The following KIF13B variants were observed in gnomAD, a reference collection of about 807,000 sequenced individuals.
KIF13B encodes kinesin family member 13B.
Under a neutral mutation model 222.0 loss-of-function variants are expected in KIF13B, and 127 were observed. The ratio of observed to expected loss-of-function variants is 0.57; its 90% CI spans 0.50 to 0.66. KIF13B has a LOEUF of 0.66. Ranked by LOEUF, KIF13B falls within the 30% of genes least tolerant of loss-of-function variation. KIF13B has a pLI of 0.00. For missense variants in KIF13B, 2,173 were observed against 2,379.0 expected, an observed-to-expected ratio of 0.91 and a Z score of 1.80; for synonymous variants, 976 against 919.0, an observed-to-expected ratio of 1.06 and a Z score of -1.12.
intron 18 of KIF13B, among the ~76,000 whole-genome samples, chr8:29,144,036 T>TCA (rs1329127445): frequency 7.3e-6 from 1 of 137,628 alleles, no homozygotes. Flanking sequence ...ACCACAAAGT[T>TCA]AAAAAAAAAA....
intron 2 of KIF13B, among the ~76,000 whole-genome samples, chr8:29,244,611 G>C (rs992196979): frequency 6.6e-6 from 1 of 152,060 alleles, no homozygotes; most frequent in African/African-American, 2.4e-5. Context: ...AAATCTTCCT[G>C]ACAAAAATAC....
intron 36 of KIF13B, among the ~76,000 whole-genome samples, chr8:29,093,970 A>C (rs927190503): frequency 1.4e-4 from 22 of 152,222 alleles, no homozygotes. Context: ...AAAATATACA[A>C]TTATTTCAAA....
At chr8:29,256,956 T>C (rs1239412794) in intron 1 of KIF13B, among the ~76,000 whole-genome samples, 1 of 152,168 alleles carries the variant, frequency 6.6e-6, no homozygotes, top group Non-Finnish European at 1.5e-5. Context: ...GGTTTCACCA[T>C]GTTGGCCAGT....
intron 35 of KIF13B, among the ~76,000 whole-genome samples, chr8:29,101,733 C>T (rs1024628936): frequency 1.3e-5 from 2 of 152,220 alleles, no homozygotes; most frequent in Non-Finnish European, 1.5e-5. Context: ...GCTCCCCCCG[C>T]AACCCCACCT....
At chr8:29,114,827 G>A (rs1301606809) in intron 31 of KIF13B, among the ~76,000 whole-genome samples, 1 of 152,176 alleles carries the variant, frequency 6.6e-6, no homozygotes, top group Non-Finnish European at 1.5e-5. Context: ...GGACCCTGTA[G>A]GGCCGGTGGT....
chr8:29,155,043 T>C (rs1244941200), intron 14 of KIF13B, among the ~76,000 whole-genome samples: 2 of 152,146 alleles, frequency 1.3e-5, no homozygotes, highest in East Asian at 3.9e-4. Context: ...GCTCTATAGC[T>C]GAAGGAAACA....
At chr8:29,119,909 C>T (rs892041956) in intron 29 of KIF13B, among the ~76,000 whole-genome samples, 17 of 152,186 alleles carry the variant, frequency 1.1e-4, no homozygotes, top group Admixed American at 6.5e-4. Context: ...GACTGCATCT[C>T]GCTGTCAGCT....
chr8:29,161,370 A>C (rs1423246089), intron 12 of KIF13B, among the ~76,000 whole-genome samples: 1 of 152,210 alleles, frequency 6.6e-6, no homozygotes, highest in African/African-American at 2.4e-5. Context: ...TGTCAAACCC[A>C]GCACTGCATG....
intron 2 of KIF13B, among the ~76,000 whole-genome samples, chr8:29,220,268 G>A (rs1457126033): frequency 1.3e-5 from 2 of 152,140 alleles, no homozygotes; most frequent in Non-Finnish European, 2.9e-5. Flanking sequence ...TCTTCAGAGA[G>A]CCCTGTCCTG....
rs1297112026 is a variant in KIF13B, at chr8:29,205,435, A to G, written c.150-9236T>C. Among the ~76,000 whole-genome samples the G allele has an allele frequency of 2.0e-5, 3 of 152,152 alleles. No individual in the cohort carries two copies. The East Asian group carries it at 5.8e-4, about 29-fold the overall frequency. On this transcript the variant is annotated intron_variant, in intron 2 of 39. Transcript: ENST00000524189. ...TCCTCCTATTAAGAGAAAACAGAAA[A>G]GAGTTTTCTTTTCTTCAGACTTGAA...
intron 38 of KIF13B, among the ~76,000 whole-genome samples, chr8:29,073,222 CTGGCTGCTA>C: frequency 6.6e-6 from 1 of 151,770 alleles, no homozygotes; most frequent in Non-Finnish European, 1.5e-5. Context: ...GGCTGCTGCT[CTGGCTGCTA>C]TGGAAAGCAG....
chr8:29,158,702 T>C (rs1811641465), intron 13 of KIF13B, among the ~76,000 whole-genome samples: 1 of 152,218 alleles, frequency 6.6e-6, no homozygotes, highest in South Asian at 2.1e-4. Flanking sequence ...GAATGTGCTT[T>C]GTCTTGAAGA....
chr8:29,140,235 T>C (rs1810753646), intron 20 of KIF13B, 44 bp from the exon 21 acceptor site: 1 of 1,610,176 alleles, frequency 6.2e-7, no homozygotes, highest in Non-Finnish European at 8.5e-7. Context: ...CAGATTTGGT[T>C]CGTGCTCCCT....
chr8:29,130,684 T>G lies in KIF13B; in HGVS notation c.2943-19A>C. The G allele has an allele frequency of 1.2e-6, 2 of 1,613,120 alleles. No individual in the cohort carries two copies. Among genetic ancestry groups the G allele is most frequent in the Non-Finnish European group, 1.7e-6 (2 of 1,179,280 alleles). ...ACTCCATCTAGGAAATAAGCGAAGT[T>G]CTTGGAAAATCATACATTTCTATTT... On this transcript the variant is annotated intron_variant, in intron 23 of 39. Transcript: ENST00000524189.
At chr8:29,157,386 C>T (rs906162127) in intron 13 of KIF13B, among the ~76,000 whole-genome samples, 1 of 112,692 alleles carries the variant, frequency 8.9e-6, no homozygotes, top group African/African-American at 3.3e-5. Flanking sequence ...GAGACCTCGT[C>T]TCTACCAAAA....
At chr8:29,215,970 G>A (rs1463733820) in intron 2 of KIF13B, among the ~76,000 whole-genome samples, 7 of 152,146 alleles carry the variant, frequency 4.6e-5, no homozygotes, top group African/African-American at 1.7e-4. Flanking sequence ...ACATGGGTGT[G>A]TATGTAGATA....
At chr8:29,173,723 C>G (rs1243295671) in intron 10 of KIF13B, among the ~76,000 whole-genome samples, 2 of 151,642 alleles carry the variant, frequency 1.3e-5, no homozygotes, top group African/African-American at 4.8e-5. Flanking sequence ...GCGGGTGGAT[C>G]ACTTGAGGTC....
At chr8:29,084,685 C>T (rs767794098) in intron 37 of KIF13B, among the ~76,000 whole-genome samples, 3 of 152,180 alleles carry the variant, frequency 2.0e-5, no homozygotes, top group Non-Finnish European at 4.4e-5. Context: ...CTTTGAAGTA[C>T]ATAAATAGCT....
chr8:29,071,589 C>T lies in KIF13B; in HGVS notation c.5218+31G>A. 6.5e-7 allele frequency: 1 copy of T among 1,530,948 alleles called. No individual in the cohort carries two copies. Among genetic ancestry groups the T allele is most frequent in the Non-Finnish European group, 8.8e-7 (1 of 1,134,996 alleles). The allele number at this position is 1,530,948 out of a possible 1,614,324, so 94.8% of individuals were successfully genotyped here. ...TCCTGCTTCCCCAGACCCCCGGCAC[C>T]ACCCTGGAGCCCGGAGTGCCCGGTA... On this transcript the variant is annotated intron_variant, in intron 39 of 39. Coordinates refer to ENST00000524189, the MANE Select transcript of KIF13B (RefSeq NM_015254.4). The surrounding 1 kb of genome is among the most constrained non-coding windows in gnomAD (Gnocchi z 4.9).
Sources: gnomAD v4.1 joint callset for allele counts (sites outside exome capture counted in the v4.1 genomes callset) on GRCh38, gnomAD v4.1.1 for gene constraint, Gnocchi (gnomAD v3.1) non-coding constraint, MANE v1.5 for transcripts, NCBI Gene and HGNC (gene_info 2026-07-23, HGNC 2026-07-21) for gene names.